Variants in XKR6 observed in about 807,000 individuals in gnomAD.
The protein encoded by XKR6 is XK related 6.
XKR6 carries 22 observed loss-of-function variants against 56.7 expected under a neutral mutation model. The ratio of observed to expected loss-of-function variants is 0.39; its 90% CI spans 0.28 to 0.55. The LOEUF is 0.55. Ranked by LOEUF, XKR6 falls within the 20% of genes least tolerant of loss-of-function variation. XKR6 has a pLI of 0.66. For synonymous variants in XKR6, 524 were observed against 387.8 expected (o/e 1.35, Z -4.13); for missense variants, 852 against 889.0 (o/e 0.96, Z 0.53).
At chr8:10,996,384 G>C (rs1280800454) in intron 1 of XKR6, among the ~76,000 whole-genome samples, 1 of 152,160 alleles carries the variant, frequency 6.6e-6, no homozygotes, top group East Asian at 1.9e-4. Flanking sequence ...GGTAATTTGA[G>C]GGAAAGCTTT....
intron 1 of XKR6, among the ~76,000 whole-genome samples, chr8:11,014,027 C>G (rs908455341): frequency 1.3e-5 from 2 of 152,226 alleles, no homozygotes; most frequent in African/African-American, 4.8e-5. Context: ...ACAGGCCTAA[C>G]GGGCCAGAAG....
At chr8:11,056,114 C>T (rs1436760321) in intron 1 of XKR6, among the ~76,000 whole-genome samples, 1 of 152,152 alleles carries the variant, frequency 6.6e-6, no homozygotes, top group African/African-American at 2.4e-5. Flanking sequence ...CTCCTGGACC[C>T]AGTGCTGCTG....
In XKR6 at chr8:10,898,252, C is replaced by A; in HGVS notation, c.1626G>T (p.Thr542=). 2 of 1,614,074 alleles carry A rather than the reference C, an allele frequency of 1.2e-6. No individual in the cohort carries two copies. The highest frequency in any genetic ancestry group is 2.2e-5 in the East Asian group (1 of 44,864). The change falls in exon 3 of 3, where the codon ACG becomes ACT. Residue 542 remains threonine (T), a synonymous_variant. Coordinates refer to ENST00000416569, the MANE Select transcript of XKR6 (RefSeq NM_173683.4). The surrounding 1 kb of genome is among the most constrained non-coding windows in gnomAD (Gnocchi z 6.6). ...EIPGYRGTQV[T]PTRAVTEQQE... ...GTTGTTCCGTTACGGCTCTGGTGGG[C>A]GTAACCTGGGTCCCCCGGTACCCAG...
chr8:11,158,067 G>A (rs1013639974), intron 1 of XKR6, among the ~76,000 whole-genome samples: 32 of 152,126 alleles, frequency 2.1e-4, no homozygotes, highest in African/African-American at 3.6e-4. Flanking sequence ...AGCTTCAAAC[G>A]TGTAATCAGT....
chr8:11,148,869 A>G (rs1801126240), intron 1 of XKR6, among the ~76,000 whole-genome samples: 1 of 152,234 alleles, frequency 6.6e-6, no homozygotes, highest in Non-Finnish European at 1.5e-5. Context: ...ATACCACACA[A>G]CAACATGAAT....
Position 11,178,533 on chromosome 8 carries a change from A to G in XKR6, c.764+22043T>C, listed in dbSNP as rs534102664. ...CCACACCAAATTTTTAAGTCCAAAC[A>G]TCTGAGAGGTAAAAATATATATATA... On this transcript the variant is annotated intron_variant, in intron 1 of 2. Transcript: ENST00000416569. Among the ~76,000 whole-genome samples the G allele has an allele frequency of 8.2e-4, 99 of 120,080 alleles. 1 individual carries two copies. The Middle Eastern group carries it at 0.012, about 15-fold the overall frequency. The allele number at this position is 120,080 out of a possible 152,430, so 78.8% of individuals were successfully genotyped here.
intron 1 of XKR6, among the ~76,000 whole-genome samples, chr8:11,064,451 G>GC (rs35881195): frequency 0.62 from 94,248 of 152,042 alleles, 30,750 homozygotes; most frequent in African/African-American, 0.79. Flanking sequence ...AGGGAAGAAA[G>GC]CCCCAACATC....
Position 11,201,495 on chromosome 8 carries a change from A to C in XKR6, c.-156T>G. The C allele has an allele frequency of 2.6e-5, 14 of 543,476 alleles. No individual in the cohort carries two copies. Among genetic ancestry groups the C allele is most frequent in the South Asian group, 6.8e-5 (3 of 44,350 alleles). 33.7% of individuals were successfully genotyped at this position (543,476 alleles called of 1,614,324 possible). On this transcript the variant is annotated 5_prime_UTR_variant, in exon 1 of 3. Transcript: ENST00000416569. Reference sequence around the variant, plus strand: ...GAACGAGGGGGGAGTGGGCCAGGGAACCCCCTCCGCTTCCGGGTAGTTGGC... The same window carrying C: ...GAACGAGGGGGGAGTGGGCCAGGGACCCCCCTCCGCTTCCGGGTAGTTGGC...
chr8:11,022,666 C>T (rs1481074407), intron 1 of XKR6, among the ~76,000 whole-genome samples: 1 of 152,166 alleles, frequency 6.6e-6, no homozygotes, highest in African/African-American at 2.4e-5. Flanking sequence ...CATTATTCCC[C>T]TTTTACAGAT....
intron 1 of XKR6, among the ~76,000 whole-genome samples, chr8:11,052,124 A>G (rs999998270): frequency 6.6e-6 from 1 of 151,856 alleles, no homozygotes; most frequent in African/African-American, 2.4e-5. Flanking sequence ...CTCCAACCAA[A>G]CTGGCTTCCC....
chr8:11,056,967 C>T (rs756558665), intron 1 of XKR6, among the ~76,000 whole-genome samples: 2 of 152,222 alleles, frequency 1.3e-5, no homozygotes, highest in Admixed American at 6.5e-5. Context: ...ATTCTACCCC[C>T]ACGTTGGTGC....
intron 1 of XKR6, among the ~76,000 whole-genome samples, chr8:11,004,068 G>T (rs913979852): frequency 3.3e-5 from 5 of 152,218 alleles, no homozygotes; most frequent in Admixed American, 3.3e-4. Context: ...ACTAGAACAT[G>T]AGGACCTTGT....
intron 1 of XKR6, chr8:11,106,619 T>A (rs1302403008): frequency 6.6e-6 from 1 of 151,988 alleles, no homozygotes. Context: ...GAGGCTGAGG[T>A]GGGCAGATCA....
intron 1 of XKR6, among the ~76,000 whole-genome samples, chr8:11,026,514 T>C (rs922271800): frequency 1.2e-3 from 163 of 136,472 alleles, no homozygotes; most frequent in African/African-American, 4.2e-3. Context: ...TACTACACAC[T>C]TAGATGGTCT....
chr8:11,044,207 T>G (rs911923360), intron 1 of XKR6, among the ~76,000 whole-genome samples: 7 of 152,216 alleles, frequency 4.6e-5, no homozygotes, highest in African/African-American at 1.7e-4. Context: ...TGCCTCACCT[T>G]TTAACGTACA....
At chr8:11,086,152 T>A (rs187680067) in intron 1 of XKR6, among the ~76,000 whole-genome samples, 2,751 of 127,392 alleles carry the variant, frequency 0.022, 89 homozygotes, top group East Asian at 0.069. Flanking sequence ...ATATATATTT[T>A]TTTTTAAAAA....
At chr8:10,975,197 A>G (rs1000020513) in intron 1 of XKR6, among the ~76,000 whole-genome samples, 5 of 152,176 alleles carry the variant, frequency 3.3e-5, no homozygotes, top group Non-Finnish European at 7.3e-5. Context: ...GAGAGGAACT[A>G]GCACCCTCCT....
intron 1 of XKR6, among the ~76,000 whole-genome samples, chr8:11,016,013 A>G (rs1291141514): frequency 1.3e-5 from 2 of 150,224 alleles, no homozygotes; most frequent in Non-Finnish European, 3.0e-5. Flanking sequence ...TTTGGTCAGC[A>G]GACCCCCGGT....
chr8:11,062,786 C>T (rs780442239), intron 1 of XKR6: 22 of 456,302 alleles, frequency 4.8e-5, no homozygotes, highest in South Asian at 3.4e-4. Flanking sequence ...TTTCCCTGGG[C>T]ACAGAGCCAG....
Sources: allele counts gnomAD v4.1 joint callset (sites outside exome capture counted in the v4.1 genomes callset), GRCh38; gene constraint gnomAD v4.1.1; non-coding constraint Gnocchi (gnomAD v3.1); transcripts MANE v1.5; gene names NCBI Gene and HGNC (gene_info 2026-07-23, HGNC 2026-07-21).